Variants in CELSR1 observed in about 807,000 individuals in gnomAD.
CELSR1 encodes cadherin EGF LAG seven-pass G-type receptor 1, also known as adhesion G protein-coupled receptor C1.
CELSR1 carries 110 observed loss-of-function variants against 249.1 expected under a neutral mutation model. That is an observed-to-expected ratio of 0.44 (90% confidence interval 0.38 to 0.52). CELSR1 has a LOEUF of 0.52. CELSR1 is among the 20% of genes least tolerant of loss of function. The pLI is 0.00. For missense variants in CELSR1, 4,109 were observed against 4,296.4 expected, an observed-to-expected ratio of 0.96 and a Z score of 1.22; for synonymous variants, 2,113 against 1,900.0, an observed-to-expected ratio of 1.11 and a Z score of -2.92.
rs754364295 is a variant in CELSR1, at chr22:46,377,160, C to T, written c.7485G>A (p.Met2495Ile). 6.2e-6 allele frequency: 10 copies of T among 1,613,828 alleles called. No individual in the cohort carries two copies. In the South Asian group the frequency reaches 9.9e-5, roughly 16 times the overall value. ...VAFVLLSLVR[M>I]LRSNLHSIHK... is the part of the protein sequence containing the mutation. ...GAATGCTGTGCAGGTTGGAGCGCAG[C>T]ATGCGGACCAGGCTCAGGAGGACGA... The change falls in exon 24 of 35, where the codon ATG (methionine) becomes ATA (isoleucine). Residue 2495 changes from methionine to isoleucine, a missense_variant. Transcript: ENST00000674500.
chr22:46,439,771 C>T (rs1378985093), intron 2 of CELSR1, among the ~76,000 whole-genome samples: 2 of 152,084 alleles, frequency 1.3e-5, no homozygotes, highest in Admixed American at 6.5e-5. Flanking sequence ...GAGGGGAACG[C>T]CTAGAAACAG....
chr22:46,421,165 C>T (rs1025445138), intron 5 of CELSR1, among the ~76,000 whole-genome samples: 2 of 152,174 alleles, frequency 1.3e-5, no homozygotes, highest in East Asian at 3.9e-4. Flanking sequence ...AGGACATCAG[C>T]CAGTACACTT....
intron 25 of CELSR1, among the ~76,000 whole-genome samples, chr22:46,370,991 G>A (rs546468327): frequency 1.4e-4 from 21 of 152,354 alleles, no homozygotes; most frequent in South Asian, 4.1e-4. Flanking sequence ...CCTGGACATC[G>A]AGGTGGCTTT....
rs184249722 is a variant in CELSR1 at position 46,432,485 on chromosome 22, G to C, written c.4611+908C>G. Among the ~76,000 whole-genome samples the C allele has an allele frequency of 4.7e-3, 709 of 152,330 alleles. 19 individuals carry two copies. The highest frequency in any genetic ancestry group is 0.043 in the Admixed American group (654 of 15,306). On this transcript the variant is annotated intron_variant, in intron 5 of 34. Coordinates refer to ENST00000674500, the MANE Select transcript of CELSR1 (RefSeq NM_001378328.1). ...GGGTGGCCAGGCTCCAGGAGGAGCC[G>C]GTAAGACCCACGCAGACCCACGAGC...
At chr22:46,498,399 C>G (rs1007518379) in intron 1 of CELSR1, among the ~76,000 whole-genome samples, 1 of 150,772 alleles carries the variant, frequency 6.6e-6, no homozygotes. Flanking sequence ...CGCCTGAGGT[C>G]AAGAGTTCAA....
rs575973809 is a variant in CELSR1, at chr22:46,366,910, T to C, written c.8205+83A>G. The C allele has an allele frequency of 9.4e-5, 142 of 1,510,076 alleles. No individual in the cohort carries two copies. In the African/African-American group the frequency reaches 1.7e-3, roughly 18 times the overall value. The allele number at this position is 1,510,076 out of a possible 1,614,324, so 93.5% of individuals were successfully genotyped here. On this transcript the variant is annotated intron_variant, in intron 29 of 34. Transcript: ENST00000674500. ...GTGAGGGGCATACGGGCCGCAGGAC[T>C]GGGGCTGAGGCTCGATCACCCTCCC...
Position 46,457,348 on chromosome 22 carries a change from GC to G in CELSR1, c.4183+6358del, listed in dbSNP as rs371892861. ...CAACAGAGCAAGACTCATCTCGGGG[GC>G]GGGGAAAAAGATTATTCTCGCAGCC... On this transcript the variant is annotated intron_variant, in intron 2 of 34. Transcript: ENST00000674500. Among the ~76,000 whole-genome samples, 1,247 of 152,064 alleles carry G rather than the reference GC, an allele frequency of 8.2e-3. 5 individuals are homozygous for G. Among genetic ancestry groups the G allele is most frequent in the African/African-American group, 0.01 (434 of 41,444 alleles).
chr22:46,487,296 C>T (rs539464699), intron 1 of CELSR1, among the ~76,000 whole-genome samples: 42 of 151,994 alleles, frequency 2.8e-4, no homozygotes, highest in African/African-American at 8.9e-4. Context: ...GCAATTCATT[C>T]ATAATTAAAA....
chr22:46,363,406 C>T lies in CELSR1; in HGVS notation c.9036-159G>A, dbSNP rs2078727850. ...GGCAAGCTCATGTTGGATGAGGCTG[C>T]CCTTGGGAGGCAGGAGAGGGGACCA... On this transcript the variant is annotated intron_variant, in intron 34 of 34. Coordinates refer to ENST00000674500, the MANE Select transcript of CELSR1 (RefSeq NM_001378328.1). This position sits in a 1 kb window ranked among gnomAD's most constrained non-coding sequence, Gnocchi z 4.3. The T allele has an allele frequency of 3.3e-6, 2 of 610,110 alleles. No homozygotes were observed. Among genetic ancestry groups the T allele is most frequent in the Non-Finnish European group, 5.8e-6 (2 of 346,130 alleles). The allele number at this position is 610,110 out of a possible 1,614,324, so 37.8% of individuals were successfully genotyped here.
chr22:46,439,842 G>A (rs1380006752), intron 2 of CELSR1, among the ~76,000 whole-genome samples: 2 of 152,124 alleles, frequency 1.3e-5, no homozygotes. Context: ...ACACAGCAGA[G>A]CCTCGTCAGA....
At chr22:46,378,079 A>G (rs1288418690) in intron 23 of CELSR1, among the ~76,000 whole-genome samples, 2 of 152,084 alleles carry the variant, frequency 1.3e-5, no homozygotes, top group East Asian at 1.9e-4. Context: ...TGCAGCCCAC[A>G]ATGGCCGGCT....
intron 5 of CELSR1, among the ~76,000 whole-genome samples, chr22:46,421,409 C>A (rs2079470973): frequency 6.6e-6 from 1 of 152,158 alleles, no homozygotes. Flanking sequence ...TGCTCCAGCC[C>A]TGGGGCGACT....
intron 1 of CELSR1, among the ~76,000 whole-genome samples, chr22:46,509,834 C>T (rs1456445933): frequency 3.9e-5 from 6 of 152,248 alleles, no homozygotes; most frequent in Admixed American, 1.3e-4. Flanking sequence ...ATGCACAATG[C>T]AGGGGCTCAG....
chr22:46,451,705 C>G (rs537123229), intron 2 of CELSR1, among the ~76,000 whole-genome samples: 82 of 152,294 alleles, frequency 5.4e-4, no homozygotes, highest in Non-Finnish European at 7.6e-4. Flanking sequence ...AGGAAATAAC[C>G]CACCCTGTAA....
chr22:46,457,691 A>G (rs4384891), intron 2 of CELSR1, among the ~76,000 whole-genome samples: 118,504 of 152,226 alleles, frequency 0.78, 46,194 homozygotes, highest in South Asian at 0.84. Context: ...TGGAGCCCAC[A>G]CTCCCGCTCA....
intron 1 of CELSR1, among the ~76,000 whole-genome samples, chr22:46,524,703 C>CA (rs1408160743): frequency 6.6e-6 from 1 of 152,122 alleles, no homozygotes; most frequent in Non-Finnish European, 1.5e-5. Flanking sequence ...AATGTTCACG[C>CA]CCAAAAGGGG....
In CELSR1 at chr22:46,533,529, A is replaced by G. The variant is rs150682533; in HGVS notation, c.3544+98T>C. On this transcript the variant is annotated intron_variant, in intron 1 of 34. Coordinates refer to ENST00000674500, the MANE Select transcript of CELSR1 (RefSeq NM_001378328.1). Reference sequence around the variant, plus strand: ...TGCAGAGTTGCCCGGGCCCGGCCCAATTGCGCCCCGGCATGCCAGGCGGAG... The same window carrying G: ...TGCAGAGTTGCCCGGGCCCGGCCCAGTTGCGCCCCGGCATGCCAGGCGGAG... The G allele has an allele frequency of 8.5e-4, 1,255 of 1,479,160 alleles. 7 individuals carry two copies. In the African/African-American group the frequency reaches 0.014, roughly 17 times the overall value. 91.6% of individuals were successfully genotyped at this position (1,479,160 alleles called of 1,614,324 possible). A position where few individuals can be genotyped will look rare whatever the true frequency, so the allele number is the denominator to read the frequency against.
intron 2 of CELSR1, among the ~76,000 whole-genome samples, chr22:46,459,804 A>G (rs1389684086): frequency 6.6e-6 from 1 of 152,216 alleles, no homozygotes; most frequent in Non-Finnish European, 1.5e-5. Context: ...CTCAGTTTCT[A>G]TGACCCCATT....
At position 46,512,184 on chromosome 22, in the gene CELSR1, G is replaced by A. The variant is rs2080580514; in HGVS notation, c.3544+21443C>T. ...CTCATAAGCCCTTACTAAGCGTGCT[G>A]CCCTCGAGGGCTCACAGCTAGGGGC... On this transcript the variant is annotated intron_variant, in intron 1 of 34. Coordinates refer to ENST00000674500, the MANE Select transcript of CELSR1 (RefSeq NM_001378328.1). The surrounding 1 kb of genome is among the most constrained non-coding windows in gnomAD (Gnocchi z 5.2). 6.6e-6 allele frequency among the ~76,000 whole-genome samples: 1 copy of A among 152,046 alleles called. No individual in the cohort carries two copies.
Sources: allele counts gnomAD v4.1 joint callset (sites outside exome capture counted in the v4.1 genomes callset), GRCh38; gene constraint gnomAD v4.1.1; non-coding constraint Gnocchi (gnomAD v3.1); transcripts MANE v1.5; gene names NCBI Gene and HGNC (gene_info 2026-07-23, HGNC 2026-07-21).